Variants in GAA observed in about 807,000 individuals in gnomAD.
GAA encodes the protein lysosomal alpha-glucosidase.
In GAA, 88 loss-of-function variants were observed where a neutral mutation model predicts 103.9. The observed-to-expected ratio is 0.85, with a 90% confidence interval of 0.71 to 1.01. The LOEUF is 1.01. Among genes scored for constraint, GAA ranks in the 50% least tolerant of loss-of-function variants. The pLI, the probability that GAA is intolerant of heterozygous loss-of-function variation, is 0.00. For synonymous variants in GAA, 572 were observed against 563.1 expected, an observed-to-expected ratio of 1.02 and a Z score of -0.22; for missense variants, 1,350 against 1,305.3, an observed-to-expected ratio of 1.03 and a Z score of -0.53.
At chr17:80,110,705 A>G in intron 9 of GAA, 22 bp from the exon 10 acceptor site, 1 of 1,606,680 alleles carries the variant, frequency 6.2e-7, no homozygotes, top group African/African-American at 1.3e-5. Flanking sequence ...GGGTCTCCCC[A>G]CTGCAGCCTC....
At chr17:80,114,739 T>A (rs139945042) in intron 15 of GAA, among the ~76,000 whole-genome samples, 3 of 152,254 alleles carry the variant, frequency 2.0e-5, no homozygotes, top group Admixed American at 1.3e-4. Flanking sequence ...CATGGTTTTA[T>A]TTCTTCATGT....
At chr17:80,107,405 C>A in intron 3 of GAA, 152 bp from the exon 4 acceptor site, 1 of 1,004,722 alleles carries the variant, frequency 1.0e-6, no homozygotes, top group Non-Finnish European at 1.6e-6. Flanking sequence ...CAGGGCTCGG[C>A]ACGGCCGCCT....
intron 14 of GAA, 62 bp downstream of exon 14, chr17:80,113,089 G>T: frequency 6.4e-7 from 1 of 1,563,160 alleles, no homozygotes. Flanking sequence ...TCTCCCCTGG[G>T]AATCCCACCC....
intron 11 of GAA, 159 bp from the exon 12 acceptor site, chr17:80,111,824 G>GC: frequency 1.6e-6 from 1 of 632,742 alleles, no homozygotes; most frequent in African/African-American, 1.8e-5. Flanking sequence ...GGTAACGCCA[G>GC]CCCCACAGAG....
intron 1 of GAA, among the ~76,000 whole-genome samples, chr17:80,102,967 T>C (rs987882610): frequency 6.6e-6 from 1 of 152,182 alleles, no homozygotes; most frequent in Non-Finnish European, 1.5e-5. Flanking sequence ...GCAGAATTGA[T>C]GGGTGTGAGA....
rs776704648 is a variant in GAA at position 80,108,377 on chromosome 17, A to G, written c.1043A>G (p.Lys348Arg). 6.2e-7 allele frequency: 1 copy of G among 1,613,528 alleles called. No homozygotes were observed. Among genetic ancestry groups the G allele is most frequent in the Admixed American group, 1.7e-5 (1 of 60,032 alleles). Residue 348 changes from lysine (K) to arginine (R), a missense_variant, in exon 6 of 20, where the codon AAG becomes AGG. Lys to Arg is a conservative substitution (Grantham distance 26). Coordinates refer to ENST00000302262, the MANE Select transcript of GAA (RefSeq NM_000152.5). The stretch of plus-strand genomic sequence containing the variant: ...TACATCTTCCTGGGCCCAGAGCCCA[A>G]GAGCGTGGTGCAGCAGTACCTGGAC... ...DVYIFLGPEPKSVVQQYLDVV... is the reference protein window; with the variant it reads ...DVYIFLGPEPRSVVQQYLDVV...
Position 80,104,778 on chromosome 17 carries a change from G to A in GAA, c.192G>A (p.Gly64=). 6.2e-7 allele frequency: 1 copy of A among 1,611,378 alleles called. No individual in the cohort carries two copies. The highest frequency in any genetic ancestry group is 1.1e-5 in the South Asian group (1 of 90,806). ...ACCAGCAGGGAGCCAGCAGACCAGGGCCCCGGGATGCCCAGGCACACCCCG... is the reference window on the plus strand; with the variant it reads ...ACCAGCAGGGAGCCAGCAGACCAGGACCCCGGGATGCCCAGGCACACCCCG... ...PAHQQGASRP[G]PRDAQAHPGR... is the part of the protein sequence containing the mutation. Residue 64 remains glycine, a synonymous_variant, in exon 2 of 20, where the codon GGG becomes GGA. Transcript: ENST00000302262. The surrounding 1 kb of genome is among the most constrained non-coding windows in gnomAD (Gnocchi z 4.0).
chr17:80,110,641 C>A, intron 9 of GAA, 86 bp from the exon 10 acceptor site: 1 of 1,173,560 alleles, frequency 8.5e-7, no homozygotes, highest in Non-Finnish European at 1.3e-6. Flanking sequence ...TGAGGCTGCC[C>A]CTCTGCTCAG....
Position 80,108,481 on chromosome 17 carries a change from G to C in GAA, c.1076-8G>C. ...TCCCTCCCTCATGAAGTCGGCGTTG[G>C]CCTGCAGGATACCCGTTCATGCCGC... On this transcript the variant is annotated splice_polypyrimidine_tract_variant and splice_region_variant and intron_variant, in intron 6 of 19. Coordinates refer to ENST00000302262, the MANE Select transcript of GAA (RefSeq NM_000152.5). The C allele has an allele frequency of 6.2e-7, 1 of 1,613,166 alleles. No homozygotes were observed. Among genetic ancestry groups the C allele is most frequent in the South Asian group, 1.1e-5 (1 of 91,082 alleles).
chr17:80,106,030 C>T (rs1404166489), intron 3 of GAA, 136 bp downstream of exon 3: 12 of 1,207,208 alleles, frequency 9.9e-6, no homozygotes, highest in Admixed American at 5.1e-5. Context: ...GCGGGGAGGG[C>T]GACGGGCATT....
In GAA at chr17:80,117,718, A is replaced by G. The variant is rs1342679623; in HGVS notation, c.2450A>G (p.His817Arg). 3 of 1,611,220 alleles carry G rather than the reference A, an allele frequency of 1.9e-6. No homozygotes were observed. The highest frequency in any genetic ancestry group is 2.5e-6 in the Non-Finnish European group (3 of 1,179,516). Residue 817 changes from histidine (H) to arginine (R), a missense_variant, in exon 17 of 20, where the codon CAC becomes CGC. His to Arg is a conservative substitution (Grantham distance 29, BLOSUM62 0). Coordinates refer to ENST00000302262, the MANE Select transcript of GAA (RefSeq NM_000152.5). ...LPAPLDTINV[H>R]LRAGYIIPLQ... is the part of the protein sequence containing the mutation. ...GCCCCCCTGGACACCATCAACGTCC[A>G]CCTCCGGGCTGGGTACATCATCCCC...
intron 5 of GAA, 126 bp downstream of exon 5, chr17:80,108,022 C>T (rs963199545): frequency 3.8e-5 from 41 of 1,075,582 alleles, no homozygotes; most frequent in Non-Finnish European, 5.5e-5. Context: ...GAAATGAGTC[C>T]TATGGGCTGA....
chr17:80,118,646 G>C lies in GAA; in HGVS notation c.2647-7G>C. ...TCTGCCTTTTCATCTCTCTCTGCTC[G>C]GCCCAGAACACGATCGTGAATGAGC... On this transcript the variant is annotated splice_polypyrimidine_tract_variant and splice_region_variant and intron_variant, in intron 18 of 19. Coordinates refer to ENST00000302262, the MANE Select transcript of GAA (RefSeq NM_000152.5). 1.9e-6 allele frequency: 3 copies of C among 1,611,694 alleles called. No individual in the cohort carries two copies. Among genetic ancestry groups the C allele is most frequent in the Non-Finnish European group, 2.5e-6 (3 of 1,179,990 alleles).
chr17:80,104,512 GC>G lies in GAA; in HGVS notation c.-32-39del. On this transcript the variant is annotated intron_variant, in intron 1 of 19. Coordinates refer to ENST00000302262, the MANE Select transcript of GAA (RefSeq NM_000152.5). This position sits in a 1 kb window ranked among gnomAD's most constrained non-coding sequence, Gnocchi z 4.0. ...CTGCTTTGAGAGCCCCGTGAGTGCC[GC>G]CCCTCCCGCCTCCCTGCTGAGCCCG... is the stretch of plus-strand genomic sequence containing the variant. 2 of 1,418,306 alleles carry G rather than the reference GC, an allele frequency of 1.4e-6. No individual in the cohort carries two copies. Among genetic ancestry groups the G allele is most frequent in the African/African-American group, 1.4e-5 (1 of 70,888 alleles). 87.9% of individuals were successfully genotyped at this position (1,418,306 alleles called of 1,614,324 possible).
chr17:80,112,213 G>T, intron 12 of GAA, 113 bp downstream of exon 12: 1 of 1,086,796 alleles, frequency 9.2e-7, no homozygotes, highest in Middle Eastern at 2.0e-4. Flanking sequence ...ACCACCCGGG[G>T]CCCGCTGGCG....
intron 19 of GAA, 123 bp from the exon 20 acceptor site, chr17:80,119,149 C>T (rs2143937230): frequency 2.0e-6 from 2 of 1,006,222 alleles, no homozygotes; most frequent in East Asian, 2.4e-5. Context: ...ACGGAGCTGC[C>T]CCCTGAGCGC....
intron 14 of GAA, 94 bp from the exon 15 acceptor site, chr17:80,113,124 G>T: frequency 6.5e-7 from 1 of 1,542,534 alleles, no homozygotes; most frequent in East Asian, 2.4e-5. Context: ...CCCCATGCTG[G>T]GTGGCTGAGA....
Position 80,105,899 on chromosome 17 carries a change from G to T in GAA, c.692+5G>T, listed in dbSNP as rs763027848. On this transcript the variant is annotated splice_donor_5th_base_variant and intron_variant, in intron 3 of 19. Coordinates refer to ENST00000302262, the MANE Select transcript of GAA (RefSeq NM_000152.5). ...GCAGCTGGACGGCCGCGTGCTGTGA[G>T]TTCTGGGCTCTGTGCCAGCATGATG... 14 of 1,589,960 alleles carry T rather than the reference G, an allele frequency of 8.8e-6. No individual in the cohort carries two copies. Among genetic ancestry groups the T allele is most frequent in the Non-Finnish European group, 1.2e-5 (14 of 1,171,164 alleles).
At chr17:80,117,502 C>T (rs2039381320) in intron 16 of GAA, 98 bp from the exon 17 acceptor site, 2 of 1,439,380 alleles carry the variant, frequency 1.4e-6, no homozygotes, top group South Asian at 2.3e-5. Flanking sequence ...CCTCCTAGGC[C>T]TCCACGTGGA....
Sources: allele counts gnomAD v4.1 joint callset (sites outside exome capture counted in the v4.1 genomes callset), GRCh38; gene constraint gnomAD v4.1.1; non-coding constraint Gnocchi (gnomAD v3.1); transcripts MANE v1.5; gene names NCBI Gene and HGNC (gene_info 2026-07-23, HGNC 2026-07-21).